The following RIPK1 variants were observed in gnomAD, a reference collection of about 807,000 sequenced individuals.
RIPK1 encodes receptor-interacting serine/threonine-protein kinase 1.
Under a neutral mutation model 62.4 loss-of-function variants are expected in RIPK1, and 27 were observed. The observed-to-expected ratio is 0.43, with a 90% CI of 0.32 to 0.60. The LOEUF (loss-of-function observed/expected upper bound fraction) is 0.60. Among genes scored for constraint, RIPK1 ranks in the 20% least tolerant of loss-of-function variants. The pLI, the probability that RIPK1 is intolerant of heterozygous loss-of-function variation, is 0.07. For missense variants in RIPK1, 735 were observed against 831.0 expected (o/e 0.88, Z 1.42); for synonymous variants, 287 against 303.2 (o/e 0.95, Z 0.55).
chr6:3,072,145 A>C lies in RIPK1; in HGVS notation c.-61+3484A>C, dbSNP rs950659717. Reference sequence around the variant, plus strand: ...AATGCTACCAGGAACAGCTTTGCACATAATCTTTATCAGCATCTCTGATTT... The same window carrying C: ...AATGCTACCAGGAACAGCTTTGCACCTAATCTTTATCAGCATCTCTGATTT... On this transcript the variant is annotated intron_variant, in intron 1 of 10. Coordinates refer to ENST00000259808, the MANE Select transcript of RIPK1 (RefSeq NM_001354930.2). The surrounding 1 kb of genome is among the most constrained non-coding windows in gnomAD (Gnocchi z 5.6). Among the ~76,000 whole-genome samples the C allele has an allele frequency of 1.3e-5, 2 of 152,240 alleles. No homozygotes were observed. The highest frequency in any genetic ancestry group is 2.9e-5 in the Non-Finnish European group (2 of 68,042).
At position 3,068,509 on chromosome 6, in the gene RIPK1, G is replaced by C; in HGVS notation, c.-213G>C. On this transcript the variant is annotated 5_prime_UTR_variant, in exon 1 of 11. Transcript: ENST00000259808. ...CAGCGCGAACAGTCCACGCCCTCCA[G>C]CCGGGCGCGCTCGACGCGGACGGCG... 3.0e-6 allele frequency: 3 copies of C among 985,270 alleles called. No homozygotes were observed. Among genetic ancestry groups the C allele is most frequent in the Non-Finnish European group, 3.6e-6 (3 of 829,844 alleles). The allele number at this position is 985,270 out of a possible 1,614,324, so 61.0% of individuals were successfully genotyped here.
At position 3,105,406 on chromosome 6, in the gene RIPK1, C is replaced by G; in HGVS notation, c.1007-76C>G. On this transcript the variant is annotated intron_variant, in intron 8 of 10. Coordinates refer to ENST00000259808, the MANE Select transcript of RIPK1 (RefSeq NM_001354930.2). The surrounding 1 kb of genome is among the most constrained non-coding windows in gnomAD (Gnocchi z 4.5). ...TGTGTGTTACTTTGAGATACAGATT[C>G]ATGACGGCGCTCAGATTTTATTTTA... 3.4e-6 allele frequency: 4 copies of G among 1,169,824 alleles called. No homozygotes were observed. The highest frequency in any genetic ancestry group is 3.6e-6 in the Non-Finnish European group (3 of 822,272). 72.5% of individuals were successfully genotyped at this position (1,169,824 alleles called of 1,614,324 possible).
chr6:3,078,315 G>A (rs895869617), intron 3 of RIPK1, among the ~76,000 whole-genome samples: 1 of 152,194 alleles, frequency 6.6e-6, no homozygotes, highest in African/African-American at 2.4e-5. Flanking sequence ...ATAACACAGT[G>A]AAATCCCCTC....
At chr6:3,082,566 A>G (rs930360376) in intron 4 of RIPK1, among the ~76,000 whole-genome samples, 1 of 152,130 alleles carries the variant, frequency 6.6e-6, no homozygotes, top group Non-Finnish European at 1.5e-5. Flanking sequence ...ACAGCTCAAA[A>G]CAAGCAACAC....
Position 3,105,297 on chromosome 6 carries a change from C to T in RIPK1, c.1007-185C>T, listed in dbSNP as rs1287830662. On this transcript the variant is annotated intron_variant, in intron 8 of 10. Transcript: ENST00000259808. The surrounding 1 kb of genome is among the most constrained non-coding windows in gnomAD (Gnocchi z 4.5). ...TTTCCTAGTACTCTCTTACTGCCAG[C>T]GAGGAGCTCCTATTATTATTTGTAA... 9.9e-5 allele frequency among the ~76,000 whole-genome samples: 15 copies of T among 152,140 alleles called. No homozygotes were observed. The highest frequency in any genetic ancestry group is 2.9e-4 in the African/African-American group (12 of 41,434).
intron 7 of RIPK1, among the ~76,000 whole-genome samples, chr6:3,098,755 A>G (rs1392312308): frequency 6.6e-6 from 1 of 152,252 alleles, no homozygotes; most frequent in Non-Finnish European, 1.5e-5. Context: ...TGGGTTTTCC[A>G]GAAGCAGCCA....
chr6:3,076,699 C>CATACATACATATATATATATATATAT (rs759690606), intron 1 of RIPK1, 65 bp from the exon 2 acceptor site: 2 of 209,762 alleles, frequency 9.5e-6, no homozygotes, highest in African/African-American at 8.3e-5. Flanking sequence ...AAAAAAAAAA[C>CATACATACATATATATATATATATAT]ATATATATAT....
intron 1 of RIPK1, among the ~76,000 whole-genome samples, chr6:3,071,149 A>G (rs1346507270): frequency 6.6e-6 from 1 of 152,204 alleles, no homozygotes; most frequent in Non-Finnish European, 1.5e-5. Context: ...AGTTGGAGAA[A>G]TCCTCTGGTC....
chr6:3,065,025 G>A (rs2113515171), upstream of RIPK1, among the ~76,000 whole-genome samples: 1 of 152,090 alleles, frequency 6.6e-6, no homozygotes, highest in Admixed American at 6.5e-5. Flanking sequence ...GGCGGATCAC[G>A]AGGTCAGGAG....
intron 3 of RIPK1, among the ~76,000 whole-genome samples, 160 bp from the exon 4 acceptor site, chr6:3,080,819 T>C (rs1759338175): frequency 6.8e-6 from 1 of 147,262 alleles, no homozygotes; most frequent in Non-Finnish European, 1.5e-5. Context: ...GAATGAAATC[T>C]TTCTTGTTTC....
intron 7 of RIPK1, among the ~76,000 whole-genome samples, chr6:3,099,273 G>A (rs901876112): frequency 1.1e-4 from 16 of 152,342 alleles, no homozygotes; most frequent in Middle Eastern, 3.4e-3. Context: ...GGCCGGGTGC[G>A]GTGGCTGACG....
chr6:3,071,141 T>C (rs139834997), intron 1 of RIPK1, among the ~76,000 whole-genome samples: 1 of 152,338 alleles, frequency 6.6e-6, no homozygotes, highest in East Asian at 1.9e-4. Context: ...ATCAAGGAAG[T>C]TGGAGAAATC....
chr6:3,078,080 T>C (rs1472488467), intron 3 of RIPK1, 145 bp downstream of exon 3: 2 of 759,732 alleles, frequency 2.6e-6, no homozygotes, highest in Non-Finnish European at 4.2e-6. Flanking sequence ...CCTTTTTTTA[T>C]AGAGACAAGG....
chr6:3,086,856 G>T (rs755693954), intron 6 of RIPK1, among the ~76,000 whole-genome samples: 3 of 152,216 alleles, frequency 2.0e-5, no homozygotes, highest in Non-Finnish European at 4.4e-5. Flanking sequence ...AGGTGGAGCT[G>T]AAAGTCCCAA....
At chr6:3,067,370 G>A (rs577695248), upstream of RIPK1, among the ~76,000 whole-genome samples, 1 of 152,214 alleles carries the variant, frequency 6.6e-6, no homozygotes, top group African/African-American at 2.4e-5. Context: ...GAATGTATGG[G>A]AGTTCCTTGT....
chr6:3,075,383 A>G (rs966993968), intron 1 of RIPK1, among the ~76,000 whole-genome samples: 3 of 152,196 alleles, frequency 2.0e-5, no homozygotes, highest in African/African-American at 7.2e-5. Context: ...TTGAGATCTG[A>G]CACTGTATAC....
chr6:3,077,956 C>T (rs767405479), intron 3 of RIPK1, 21 bp downstream of exon 3: 156 of 1,611,642 alleles, frequency 9.7e-5, no homozygotes, highest in Middle Eastern at 1.8e-4. Context: ...CCCCTCCGCA[C>T]GGGGATCCCC....
At chr6:3,099,293 C>T (rs763521088) in intron 7 of RIPK1, among the ~76,000 whole-genome samples, 1 of 152,026 alleles carries the variant, frequency 6.6e-6, no homozygotes, top group African/African-American at 2.4e-5. Flanking sequence ...GCCTGTAATC[C>T]CAGCACTTTG....
chr6:3,113,229 G>A lies in RIPK1; in HGVS notation c.1906G>A (p.Val636Met), dbSNP rs1389538808. The A allele has an allele frequency of 1.2e-5, 19 of 1,614,012 alleles. No individual in the cohort carries two copies. The highest frequency in any genetic ancestry group is 1.6e-5 in the Non-Finnish European group (19 of 1,180,030). ...GGTTTACCAGATGCTCCAAAAGTGG[G>A]TGATGAGGGAAGGCATAAAGGGAGC... Reference protein sequence around the residue: ...EKVYQMLQKWVMREGIKGATV... With the variant: ...EKVYQMLQKWMMREGIKGATV... The change falls in exon 11 of 11, where the codon GTG becomes ATG. Residue 636 changes from valine (V) to methionine (M), a missense_variant. Val to Met is a conservative substitution (Grantham distance 21, BLOSUM62 1). Transcript: ENST00000259808. This position sits in a 1 kb window ranked among gnomAD's most constrained non-coding sequence, Gnocchi z 5.0.
Sources: allele counts gnomAD v4.1 joint callset (sites outside exome capture counted in the v4.1 genomes callset), GRCh38; gene constraint gnomAD v4.1.1; non-coding constraint Gnocchi (gnomAD v3.1); transcripts MANE v1.5; gene names NCBI Gene and HGNC (gene_info 2026-07-23, HGNC 2026-07-21).